The following NRG1 variants were observed in gnomAD, a reference collection of about 807,000 sequenced individuals.
The protein encoded by NRG1 is neuregulin 1.
In NRG1, 18 loss-of-function variants were observed where a neutral mutation model predicts 63.8. The observed-to-expected ratio is 0.28, with a 90% CI of 0.19 to 0.42. The LOEUF (loss-of-function observed/expected upper bound fraction) is 0.42. Among genes scored for constraint, NRG1 ranks in the 10% least tolerant of loss-of-function variants. The probability of loss-of-function intolerance (pLI) is 1.00; values close to 1 mark genes in which losing one functional copy is unlikely to be tolerated. For synonymous variants in NRG1, 302 were observed against 301.3 expected (o/e 1.00, Z -0.02); for missense variants, 762 against 814.7 (o/e 0.94, Z 0.79).
chr8:32,673,610 A>G (rs1806276291), intron 5 of NRG1, among the ~76,000 whole-genome samples: 1 of 152,122 alleles, frequency 6.6e-6, no homozygotes, highest in Non-Finnish European at 1.5e-5. Flanking sequence ...ACACACAACA[A>G]CCTACTAAGT....
At chr8:32,513,340 G>C (rs564596154) in intron 1 of NRG1, among the ~76,000 whole-genome samples, 2 of 151,094 alleles carry the variant, frequency 1.3e-5, no homozygotes, top group East Asian at 3.9e-4. Context: ...GGCTGACAAA[G>C]AGGAAATATA....
intron 1 of NRG1, among the ~76,000 whole-genome samples, chr8:32,011,246 T>C (rs1296458313): frequency 3.3e-5 from 5 of 152,070 alleles, no homozygotes; most frequent in Non-Finnish European, 7.4e-5. Context: ...GCAGGTATTT[T>C]TCAAATGAGG....
At chr8:31,670,282 G>T (rs1806989536) in intron 1 of NRG1, among the ~76,000 whole-genome samples, 1 of 152,070 alleles carries the variant, frequency 6.6e-6, no homozygotes, top group Non-Finnish European at 1.5e-5. Flanking sequence ...CTGTGTTCTA[G>T]TTCCTTTGCT....
At chr8:32,107,060 T>TACA (rs10633352) in intron 1 of NRG1, among the ~76,000 whole-genome samples, 58,950 of 150,036 alleles carry the variant, frequency 0.39, 12,125 homozygotes, top group East Asian at 0.51. Context: ...CTACTAAAAA[T>TACA]ACAACAACAA....
intron 5 of NRG1, among the ~76,000 whole-genome samples, chr8:32,718,166 T>C (rs1275021394): frequency 6.6e-6 from 1 of 152,162 alleles, no homozygotes; most frequent in Non-Finnish European, 1.5e-5. Context: ...TATTGCATAT[T>C]GAGAATGGGC....
intron 1 of NRG1, among the ~76,000 whole-genome samples, chr8:32,122,822 TGTCC>T (rs1833637482): frequency 6.6e-6 from 1 of 151,090 alleles, no homozygotes; most frequent in Non-Finnish European, 1.5e-5. Context: ...CCCCTTCCTG[TGTCC>T]ATGTGTTCTC....
At chr8:32,164,553 A>C (rs1013947099) in intron 1 of NRG1, among the ~76,000 whole-genome samples, 3 of 151,574 alleles carry the variant, frequency 2.0e-5, no homozygotes, top group Non-Finnish European at 4.4e-5. Context: ...CCTTCTCTTT[A>C]AATTTTAACA....
At chr8:32,261,838 T>TA in intron 1 of NRG1, among the ~76,000 whole-genome samples, 1 of 152,218 alleles carries the variant, frequency 6.6e-6, no homozygotes, top group East Asian at 1.9e-4. Flanking sequence ...AAATGTGTTT[T>TA]AATAGTGTTC....
At chr8:32,749,965 G>T in intron 7 of NRG1, 1 of 202,072 alleles carries the variant, frequency 4.9e-6, no homozygotes, top group Non-Finnish European at 1.0e-5. Flanking sequence ...GAGAACAAAG[G>T]CTTTTTAAAT....
intron 5 of NRG1, among the ~76,000 whole-genome samples, chr8:32,688,426 A>T (rs1589216001): frequency 1.3e-5 from 2 of 152,318 alleles, no homozygotes; most frequent in African/African-American, 4.8e-5. Flanking sequence ...GCTTTTTAAA[A>T]TGGTTATCTT....
intron 1 of NRG1, among the ~76,000 whole-genome samples, chr8:32,457,992 C>G (rs1233738743): frequency 1.1e-4 from 16 of 152,052 alleles, no homozygotes; most frequent in African/African-American, 3.9e-4. Flanking sequence ...ATCTCGGCTC[C>G]CTGCAAACTC....
At chr8:32,329,407 G>C (rs1176345294) in intron 1 of NRG1, among the ~76,000 whole-genome samples, 3 of 152,210 alleles carry the variant, frequency 2.0e-5, no homozygotes, top group Non-Finnish European at 4.4e-5. Flanking sequence ...CTGTTCACAA[G>C]TCTAGGTGTA....
chr8:32,112,498 T>A (rs1418363432), intron 1 of NRG1, among the ~76,000 whole-genome samples: 3 of 152,242 alleles, frequency 2.0e-5, no homozygotes, highest in African/African-American at 7.2e-5. Context: ...TCTTATTTCC[T>A]TCTTTGCATC....
At chr8:31,706,366 A>G (rs1271822734) in intron 1 of NRG1, among the ~76,000 whole-genome samples, 6 of 150,942 alleles carry the variant, frequency 4.0e-5, no homozygotes, top group Non-Finnish European at 5.9e-5. Flanking sequence ...TTATTTCCAT[A>G]TATACATACA....
At chr8:32,690,938 AGTGTGTGTGTGTGTGTGTGTGTGTGT>A (rs113081002) in intron 5 of NRG1, among the ~76,000 whole-genome samples, 2 of 131,082 alleles carry the variant, frequency 1.5e-5, no homozygotes, top group Admixed American at 7.7e-5. Flanking sequence ...TTTCCCTCTC[AGTGTGTGTGTGTGTGTGTGTGTGTGT>A]GTGTGTGTGT....
At chr8:32,570,900 T>G (rs1401043330) in intron 1 of NRG1, among the ~76,000 whole-genome samples, 1 of 152,178 alleles carries the variant, frequency 6.6e-6, no homozygotes, top group African/African-American at 2.4e-5. Context: ...GAATTTGCAC[T>G]GAGTTTGTCA....
rs1411849801 is a variant in NRG1 at position 32,394,404 on chromosome 8, C to T, written c.38-201424C>T. ...TTGTATCACTTAAGCCACGTTTTAT[C>T]TACGTCTTCTCTGTCACTAACCTTT... On this transcript the variant is annotated intron_variant, in intron 1 of 10. Transcript: ENST00000519301. Among the ~76,000 whole-genome samples the T allele has an allele frequency of 3.3e-5, 5 of 152,194 alleles. No homozygotes were observed. The South Asian group carries it at 1.0e-3, about 31-fold the overall frequency.
chr8:31,993,370 TATGGTTTG>T (rs1473741376), intron 1 of NRG1, among the ~76,000 whole-genome samples: 6 of 152,078 alleles, frequency 3.9e-5, no homozygotes, highest in Middle Eastern at 3.4e-3. Context: ...TGGACTCTAA[TATGGTTTG>T]ACTGTGTCCT....
intron 3 of NRG1, among the ~76,000 whole-genome samples, chr8:32,605,987 G>A (rs1201073556): frequency 6.6e-6 from 1 of 151,460 alleles, no homozygotes; most frequent in African/African-American, 2.4e-5. Flanking sequence ...TGGTCAGTGA[G>A]GGCAGTCAAG....
Sources: allele counts gnomAD v4.1 joint callset (sites outside exome capture counted in the v4.1 genomes callset), GRCh38; gene constraint gnomAD v4.1.1; transcripts MANE v1.5; gene names NCBI Gene and HGNC (gene_info 2026-07-23, HGNC 2026-07-21).